KIAA1217: variants seen among roughly 807,000 people sequenced by gnomAD.
KIAA1217 encodes KIAA1217.
In KIAA1217, 88 loss-of-function variants were observed where a neutral mutation model predicts 163.9. That is an observed-to-expected ratio of 0.54 (90% CI 0.45 to 0.64). The LOEUF is 0.64. KIAA1217 is among the 30% of genes least tolerant of loss of function. The probability of loss-of-function intolerance (pLI) is 0.00; values close to 1 mark genes in which losing one functional copy is unlikely to be tolerated. For synonymous variants in KIAA1217, 903 were observed against 923.1 expected (o/e 0.98, Z 0.39); for missense variants, 2,372 against 2,475.0 (o/e 0.96, Z 0.88).
intron 1 of KIAA1217, among the ~76,000 whole-genome samples, chr10:23,805,874 G>A (rs1343046033): frequency 6.6e-6 from 1 of 151,344 alleles, no homozygotes; most frequent in South Asian, 2.1e-4. Flanking sequence ...AAATTAGCTG[G>A]GCGTGGTGGT....
chr10:23,757,761 A>C (rs1182211020), intron 1 of KIAA1217, among the ~76,000 whole-genome samples: 5 of 151,982 alleles, frequency 3.3e-5, no homozygotes, highest in Non-Finnish European at 5.9e-5. Flanking sequence ...CAGGTAATGC[A>C]CCTTCCTCGG....
At chr10:23,903,844 G>T (rs1842046208) in intron 1 of KIAA1217, among the ~76,000 whole-genome samples, 1 of 152,034 alleles carries the variant, frequency 6.6e-6, no homozygotes, top group South Asian at 2.1e-4. Flanking sequence ...TGGGAACTGG[G>T]ATAGCTTCCC....
rs188767084 is a variant in KIAA1217 at position 24,455,466 on chromosome 10, A to C, written c.846+16987A>C. Among the ~76,000 whole-genome samples, 8 of 152,354 alleles carry C rather than the reference A, an allele frequency of 5.3e-5. 1 individual carries two copies. The highest frequency in any genetic ancestry group is 1.7e-4 in the African/African-American group (7 of 41,582). On this transcript the variant is annotated intron_variant, in intron 5 of 20. Transcript: ENST00000376454. ...AATTTTGCGCATTATTACAAGATAA[A>C]TGTTTTTCTATCAAGAACCATGCTA...
At chr10:24,150,839 C>T (rs2064576516) in intron 2 of KIAA1217, among the ~76,000 whole-genome samples, 1 of 152,136 alleles carries the variant, frequency 6.6e-6, no homozygotes, top group Non-Finnish European at 1.5e-5. Context: ...ATAATTTTCC[C>T]ATGACAGTCT....
chr10:23,761,908 A>G (rs954544527), intron 1 of KIAA1217, among the ~76,000 whole-genome samples: 3 of 152,200 alleles, frequency 2.0e-5, no homozygotes, highest in Admixed American at 6.5e-5. Context: ...ACAACAAAAA[A>G]TGATAAAGAG....
chr10:24,326,234 G>T (rs1055272740), intron 2 of KIAA1217, among the ~76,000 whole-genome samples: 1 of 151,916 alleles, frequency 6.6e-6, no homozygotes, highest in African/African-American at 2.4e-5. Flanking sequence ...GTTCCCATAG[G>T]CTACCATTTT....
intron 2 of KIAA1217, among the ~76,000 whole-genome samples, chr10:24,041,968 C>A (rs1381346874): frequency 6.6e-6 from 1 of 151,684 alleles, no homozygotes; most frequent in Non-Finnish European, 1.5e-5. Flanking sequence ...GTGTGCGTTT[C>A]ATATTCCCTA....
At chr10:24,498,393 G>A (rs1352789309) in intron 8 of KIAA1217, among the ~76,000 whole-genome samples, 2 of 152,114 alleles carry the variant, frequency 1.3e-5, no homozygotes, top group Admixed American at 6.5e-5. Context: ...AGTCCACAGG[G>A]GTGACAACTA....
intron 1 of KIAA1217, among the ~76,000 whole-genome samples, chr10:23,914,583 G>T (rs149310165): frequency 6.6e-6 from 1 of 152,188 alleles, no homozygotes; most frequent in Non-Finnish European, 1.5e-5. Flanking sequence ...CCAAAGCACT[G>T]GGATTACAGG....
chr10:24,090,392 C>T (rs1438620175), intron 2 of KIAA1217, among the ~76,000 whole-genome samples: 2 of 125,678 alleles, frequency 1.6e-5, no homozygotes, highest in African/African-American at 6.5e-5. Context: ...ATTACCCAGG[C>T]TGGTCTCAAA....
intron 2 of KIAA1217, among the ~76,000 whole-genome samples, chr10:24,153,974 T>A (rs1036913355): frequency 1.3e-5 from 2 of 151,364 alleles, no homozygotes; most frequent in East Asian, 3.9e-4. Context: ...TTTTTTTTTT[T>A]TGAGACGGAG....
At chr10:24,400,052 G>A (rs764350782) in intron 3 of KIAA1217, among the ~76,000 whole-genome samples, 2 of 152,066 alleles carry the variant, frequency 1.3e-5, no homozygotes, top group South Asian at 2.1e-4. Flanking sequence ...TGGACTAATC[G>A]CCCCTGCGTA....
At chr10:24,532,132 C>A in intron 15 of KIAA1217, 139 bp downstream of exon 15, 1 of 692,606 alleles carries the variant, frequency 1.4e-6, no homozygotes, top group Non-Finnish European at 2.1e-6. Context: ...GGAAGCACCA[C>A]AGATGGAACA....
chr10:24,140,933 C>T (rs1361177056), intron 2 of KIAA1217, among the ~76,000 whole-genome samples: 1 of 152,096 alleles, frequency 6.6e-6, no homozygotes, highest in East Asian at 1.9e-4. Context: ...AATTATGGTG[C>T]AAGTCCTGTT....
At chr10:24,252,531 G>T (rs1306250586) in intron 2 of KIAA1217, among the ~76,000 whole-genome samples, 1 of 152,186 alleles carries the variant, frequency 6.6e-6, no homozygotes, top group African/African-American at 2.4e-5. Flanking sequence ...AATGAGCTCT[G>T]ATTGCGCCAC....
At chr10:24,199,018 A>T (rs1207851633) in intron 2 of KIAA1217, among the ~76,000 whole-genome samples, 2 of 152,218 alleles carry the variant, frequency 1.3e-5, no homozygotes, top group Non-Finnish European at 2.9e-5. Context: ...AAGGAATTCA[A>T]GACCAGTTTG....
rs78565310 is a variant in KIAA1217, at chr10:23,955,279, T to C, written c.-320-51946T>C. 9.2e-3 allele frequency among the ~76,000 whole-genome samples: 1,404 copies of C among 152,228 alleles called. 26 individuals carry two copies. Among genetic ancestry groups the C allele is most frequent in the African/African-American group, 0.032 (1,325 of 41,522 alleles). The stretch of plus-strand genomic sequence containing the variant: ...CAAGAATAATAGTATCCAGAACAAA[T>C]GAGAGAACATATAAAGTGCAATGCA... On this transcript the variant is annotated intron_variant, in intron 1 of 18. Coordinates refer to the KIAA1217 transcript ENST00000376462.
rs200613563 is a variant in KIAA1217, at chr10:24,101,374, T to TA, written c.-171+94009dup. 9.2e-5 allele frequency among the ~76,000 whole-genome samples: 14 copies of TA among 151,692 alleles called. No individual in the cohort carries two copies. The South Asian group carries it at 1.3e-3, about 14-fold the overall frequency. On this transcript the variant is annotated intron_variant, in intron 2 of 18. Coordinates refer to the KIAA1217 transcript ENST00000376462. ...AATTGTCTAAGACATTTAAATAATG[T>TA]AAAAAAAAAGTTCTAAAATTTGTTT...
At chr10:23,892,638 G>T (rs548646641) in intron 1 of KIAA1217, among the ~76,000 whole-genome samples, 1 of 152,002 alleles carries the variant, frequency 6.6e-6, no homozygotes, top group African/African-American at 2.4e-5. Context: ...AAATCTCATG[G>T]AAAATTTGCA....
Sources: allele counts gnomAD v4.1 joint callset (sites outside exome capture counted in the v4.1 genomes callset), GRCh38; gene constraint gnomAD v4.1.1; transcripts MANE v1.5; gene names NCBI Gene and HGNC (gene_info 2026-07-23, HGNC 2026-07-21).